The following GATA4 variants were observed in gnomAD, a reference collection of about 807,000 sequenced individuals.
GATA4 encodes the protein GATA binding protein 4, also known as transcription factor GATA-4.
GATA4 carries 7 observed loss-of-function variants against 37.9 expected under a neutral mutation model. The observed-to-expected ratio is 0.18, with a 90% CI of 0.11 to 0.35. The LOEUF is 0.35. Ranked by LOEUF, GATA4 falls within the 10% of genes least tolerant of loss-of-function variation. The pLI, the probability that GATA4 is intolerant of heterozygous loss-of-function variation, is 1.00. For synonymous variants in GATA4, 372 were observed against 292.6 expected (o/e 1.27, Z -2.77); for missense variants, 647 against 653.0 (o/e 0.99, Z 0.10).
At chr8:11,735,670 C>T (rs1801419397) in intron 2 of GATA4, among the ~76,000 whole-genome samples, 1 of 152,204 alleles carries the variant, frequency 6.6e-6, no homozygotes, top group African/African-American at 2.4e-5. Flanking sequence ...TCAAGCGATT[C>T]TTCTGCTTCA....
intron 1 of GATA4, among the ~76,000 whole-genome samples, chr8:11,699,084 A>C (rs1799591434): frequency 6.6e-6 from 1 of 152,162 alleles, no homozygotes; most frequent in South Asian, 2.1e-4. Flanking sequence ...CTTATTGAGC[A>C]CCTACTGTAA....
intron 1 of GATA4, among the ~76,000 whole-genome samples, chr8:11,679,796 A>T (rs1798896701): frequency 6.6e-6 from 1 of 152,234 alleles, no homozygotes; most frequent in Admixed American, 6.5e-5. Flanking sequence ...AGACCCCCGA[A>T]TAATGGAAAC....
intron 2 of GATA4, among the ~76,000 whole-genome samples, chr8:11,723,308 G>A (rs1267848629): frequency 6.6e-6 from 1 of 151,730 alleles, no homozygotes; most frequent in African/African-American, 2.4e-5. Flanking sequence ...GTGACTCATG[G>A]TCCAACCACT....
In GATA4 at chr8:11,749,976, A is replaced by C; in HGVS notation, c.787-135A>C. ...GGAGAGTTAGGTGCCGTCACAGGTC[A>C]GAGATCTCATGCAGGGTCGTTAGGG... On this transcript the variant is annotated intron_variant, in intron 3 of 6. Coordinates refer to ENST00000532059, the MANE Select transcript of GATA4 (RefSeq NM_001308093.3). The surrounding 1 kb of genome is among the most constrained non-coding windows in gnomAD (Gnocchi z 4.6). The C allele has an allele frequency of 1.7e-5, 20 of 1,162,138 alleles. No individual in the cohort carries two copies. The highest frequency in any genetic ancestry group is 2.4e-5 in the Non-Finnish European group (19 of 794,456). The allele number at this position is 1,162,138 out of a possible 1,614,324, so 72.0% of individuals were successfully genotyped here.
Position 11,708,397 on chromosome 8 carries a change from G to C in GATA4, c.85G>C (p.Gly29Arg), listed in dbSNP as rs1053092495. 6 of 1,543,324 alleles carry C rather than the reference G, an allele frequency of 3.9e-6. No homozygotes were observed. The highest frequency in any genetic ancestry group is 5.2e-6 in the Non-Finnish European group (6 of 1,151,346). ...EAGGPGAFMH[G>R]AGAASSPVYV... is the part of the protein sequence containing the mutation. ...GGGCGGCCCCGGCGCCTTCATGCAC[G>C]GCGCGGGCGCCGCGTCCTCGCCAGT... Residue 29 changes from glycine (G) to arginine (R), a missense_variant, in exon 2 of 7, where the codon GGC (glycine) becomes CGC (arginine). This residue lies in a region of GATA4 where 379 missense variants were observed against 334.5 expected (regional missense o/e 1.13). Coordinates refer to ENST00000532059, the MANE Select transcript of GATA4 (RefSeq NM_001308093.3). This position sits in a 1 kb window ranked among gnomAD's most constrained non-coding sequence, Gnocchi z 6.7.
intron 1 of GATA4, among the ~76,000 whole-genome samples, chr8:11,685,644 AG>A (rs1334165721): frequency 3.3e-5 from 5 of 152,244 alleles, no homozygotes; most frequent in Non-Finnish European, 5.9e-5. Context: ...TTTTTCCACA[AG>A]GAAGAGATTC....
chr8:11,685,162 C>G (rs528741615), intron 1 of GATA4, among the ~76,000 whole-genome samples: 49 of 152,324 alleles, frequency 3.2e-4, no homozygotes, highest in African/African-American at 1.2e-3. Context: ...ATGAACTATA[C>G]TAAATCCATT....
chr8:11,704,366 C>G (rs1799797006), intron 1 of GATA4, 62 bp downstream of exon 1: 1 of 152,278 alleles, frequency 6.6e-6, no homozygotes, highest in Non-Finnish European at 1.5e-5. Flanking sequence ...CGGAGCTTCT[C>G]CGCCTTTGCT....
At chr8:11,730,189 C>T (rs1801136668) in intron 2 of GATA4, among the ~76,000 whole-genome samples, 1 of 152,216 alleles carries the variant, frequency 6.6e-6, no homozygotes, top group South Asian at 2.1e-4. Flanking sequence ...GCTGGGATTA[C>T]AGGCATAAGC....
chr8:11,728,475 C>T (rs1801049064), intron 2 of GATA4, among the ~76,000 whole-genome samples: 1 of 152,180 alleles, frequency 6.6e-6, no homozygotes, highest in Non-Finnish European at 1.5e-5. Context: ...CTCAAGCACT[C>T]CGCCTTCCTC....
At chr8:11,739,070 G>A (rs570004796) in intron 2 of GATA4, among the ~76,000 whole-genome samples, 18 of 152,348 alleles carry the variant, frequency 1.2e-4, no homozygotes, top group Admixed American at 2.6e-4. Context: ...AGCTGGGACC[G>A]AGGTGGAAAA....
chr8:11,758,367 A>C lies in GATA4; in HGVS notation c.1224A>C (p.Pro408=), dbSNP rs7830178. Residue 408 remains proline (P), a synonymous_variant, in exon 7 of 7, where the codon CCA becomes CCC. Coordinates refer to ENST00000532059, the MANE Select transcript of GATA4 (RefSeq NM_001308093.3). ...TCCTCTCGGCCCTGAAGCTCTCCCC[A>C]CAAGGCTATGCGTCTCCCGTCAGCC... ...HPVLSALKLS[P]QGYASPVSQS... 7.3e-4 allele frequency: 1,182 copies of C among 1,614,000 alleles called. 9 individuals are homozygous for C. The African/African-American group carries it at 0.014, about 19-fold the overall frequency.
chr8:11,727,243 C>G (rs971665645), intron 2 of GATA4, among the ~76,000 whole-genome samples: 2 of 152,140 alleles, frequency 1.3e-5, no homozygotes, highest in Non-Finnish European at 2.9e-5. Context: ...AGTTTCCTCC[C>G]CTGTGTAAAC....
upstream of GATA4, among the ~76,000 whole-genome samples, chr8:11,691,848 A>T (rs4576391): frequency 2.6e-5 from 4 of 151,980 alleles, no homozygotes; most frequent in South Asian, 8.3e-4. Flanking sequence ...CCAGTACTTA[A>T]GGCACATCTA....
upstream of GATA4, among the ~76,000 whole-genome samples, chr8:11,700,146 T>C (rs1045307720): frequency 2.6e-5 from 4 of 152,100 alleles, no homozygotes; most frequent in African/African-American, 9.7e-5. Context: ...TAGAGAAAAA[T>C]GAGATTTGAA....
At position 11,712,898 on chromosome 8, in the gene GATA4, T is replaced by A. The variant is rs185289010; in HGVS notation, c.616+3970T>A. On this transcript the variant is annotated intron_variant, in intron 2 of 6. Coordinates refer to ENST00000532059, the MANE Select transcript of GATA4 (RefSeq NM_001308093.3). Reference sequence around the variant, plus strand: ...AAGAAAAAGAAAGGATATACTCTGCTTTACTAATATGTTGTGTAGTACCAT... The same window carrying A: ...AAGAAAAAGAAAGGATATACTCTGCATTACTAATATGTTGTGTAGTACCAT... Among the ~76,000 whole-genome samples the A allele has an allele frequency of 1.6e-3, 239 of 152,204 alleles. 1 individual carries two copies. The highest frequency in any genetic ancestry group is 5.6e-3 in the African/African-American group (231 of 41,536).
At chr8:11,716,044 A>C (rs1472671877) in intron 2 of GATA4, among the ~76,000 whole-genome samples, 1 of 152,072 alleles carries the variant, frequency 6.6e-6, no homozygotes, top group African/African-American at 2.4e-5. Flanking sequence ...ATGTGCCAGA[A>C]TTTCCTTCCT....
intron 2 of GATA4, among the ~76,000 whole-genome samples, chr8:11,729,634 C>T (rs921903629): frequency 6.6e-6 from 1 of 151,706 alleles, no homozygotes; most frequent in South Asian, 2.1e-4. Flanking sequence ...AGTGTGTGTT[C>T]TGAGAAAGCC....
chr8:11,734,414 C>A (rs896455237), intron 2 of GATA4, among the ~76,000 whole-genome samples: 3 of 152,236 alleles, frequency 2.0e-5, no homozygotes, highest in Admixed American at 2.0e-4. Flanking sequence ...GAGACCCAAG[C>A]CTGCTTTGCA....
Sources: allele counts gnomAD v4.1 joint callset (sites outside exome capture counted in the v4.1 genomes callset), GRCh38; gene constraint gnomAD v4.1.1; regional missense constraint gnomAD v4.1.1; non-coding constraint Gnocchi (gnomAD v3.1); transcripts MANE v1.5; gene names NCBI Gene and HGNC (gene_info 2026-07-23, HGNC 2026-07-21).